The following FREM3 variants were observed in gnomAD, a reference collection of about 807,000 sequenced individuals.
The protein encoded by FREM3 is FRAS1-related extracellular matrix protein 3.
A neutral mutation model predicts 129.1 loss-of-function variants in FREM3; 105 were observed. That is an observed-to-expected ratio of 0.81 (90% CI 0.69 to 0.96). FREM3 has a LOEUF of 0.96. Among genes scored for constraint, FREM3 ranks in the 40% least tolerant of loss-of-function variants. The pLI, the probability that FREM3 is intolerant of heterozygous loss-of-function variation, is 0.00. For synonymous variants in FREM3, 1,014 were observed against 1,044.9 expected (o/e 0.97, Z 0.57); for missense variants, 2,593 against 2,666.3 (o/e 0.97, Z 0.61).
At chr4:143,639,921 A>G (rs920650299) in intron 2 of FREM3, among the ~76,000 whole-genome samples, 2 of 152,132 alleles carry the variant, frequency 1.3e-5, no homozygotes, top group African/African-American at 2.4e-5. Flanking sequence ...TAAAAAAAAA[A>G]TGTAAAAATA....
chr4:143,634,182 T>G (rs1739194734), intron 2 of FREM3, among the ~76,000 whole-genome samples: 2 of 152,124 alleles, frequency 1.3e-5, no homozygotes, highest in South Asian at 4.1e-4. Context: ...GTACAAAAAC[T>G]CATCAGATAT....
chr4:143,605,736 C>G (rs1738658131), intron 6 of FREM3, among the ~76,000 whole-genome samples: 1 of 152,152 alleles, frequency 6.6e-6, no homozygotes, highest in Non-Finnish European at 1.5e-5. Context: ...ACTATCAATT[C>G]AATTTCCTAC....
At chr4:143,678,084 T>G (rs987121635) in intron 2 of FREM3, among the ~76,000 whole-genome samples, 3 of 152,210 alleles carry the variant, frequency 2.0e-5, no homozygotes, top group Non-Finnish European at 4.4e-5. Flanking sequence ...TAAAGACACA[T>G]GCACACGTAT....
At chr4:143,693,234 T>C (rs1396977690) in intron 1 of FREM3, 32 bp from the exon 2 acceptor site, 1 of 1,170,102 alleles carries the variant, frequency 8.5e-7, no homozygotes, top group African/African-American at 1.6e-5. Context: ...CACAAAGTCA[T>C]ATTGGCACAA....
chr4:143,643,164 A>G (rs541354877), intron 2 of FREM3, among the ~76,000 whole-genome samples: 1 of 152,290 alleles, frequency 6.6e-6, no homozygotes, highest in Admixed American at 6.5e-5. Flanking sequence ...TACTGCTGGT[A>G]GGAATATAAA....
intron 3 of FREM3, among the ~76,000 whole-genome samples, chr4:143,626,480 C>CT (rs994750442): frequency 7.9e-5 from 12 of 151,992 alleles, no homozygotes; most frequent in Non-Finnish European, 1.8e-4. Context: ...AGCAGATGAA[C>CT]TTTTTTTTCT....
At chr4:143,648,054 C>T (rs952683032) in intron 2 of FREM3, among the ~76,000 whole-genome samples, 8 of 152,204 alleles carry the variant, frequency 5.3e-5, no homozygotes, top group Non-Finnish European at 1.5e-5. Flanking sequence ...GAGCCCACCT[C>T]GTGCATCAGC....
Position 143,611,395 on chromosome 4 carries a change from T to A in FREM3, c.5912A>T (p.Asp1971Val). The change falls in exon 6 of 8, where the codon GAC (aspartate) becomes GTC (valine). Residue 1971 changes from aspartate to valine, a missense_variant. Transcript: ENST00000329798. The part of the protein sequence containing the change: ...QKTCQVLIID[D>V]SLYEEEESFS... Reference sequence around the variant, plus strand: ...GGATTCCTCCTCTTCATAAAGGGAGTCATCAATGATCAGGACCTGGCAGGT... The same window carrying A: ...GGATTCCTCCTCTTCATAAAGGGAGACATCAATGATCAGGACCTGGCAGGT... The A allele has an allele frequency of 6.5e-7, 1 of 1,537,012 alleles. No individual in the cohort carries two copies. Among genetic ancestry groups the A allele is most frequent in the Middle Eastern group, 1.7e-4 (1 of 5,990 alleles).
At chr4:143,625,323 A>C (rs992822191) in intron 3 of FREM3, among the ~76,000 whole-genome samples, 1 of 152,194 alleles carries the variant, frequency 6.6e-6, no homozygotes, top group Non-Finnish European at 1.5e-5. Context: ...GAAATCAAAT[A>C]TGGTAACCTG....
At chr4:143,676,343 C>A (rs143865809) in intron 2 of FREM3, among the ~76,000 whole-genome samples, 12 of 152,070 alleles carry the variant, frequency 7.9e-5, no homozygotes, top group Non-Finnish European at 1.2e-4. Flanking sequence ...ATTCAACAAC[C>A]CTTCATGCTA....
At chr4:143,655,912 G>A (rs192860273) in intron 2 of FREM3, among the ~76,000 whole-genome samples, 47 of 152,266 alleles carry the variant, frequency 3.1e-4, no homozygotes, top group African/African-American at 1.1e-3. Flanking sequence ...AAACTCCTCA[G>A]AGGATGTGTA....
chr4:143,598,048 T>C (rs554662292), intron 6 of FREM3, among the ~76,000 whole-genome samples: 2 of 152,324 alleles, frequency 1.3e-5, no homozygotes, highest in African/African-American at 4.8e-5. Context: ...AGGGAACTAG[T>C]AGTGTTCATG....
rs147340680 is a variant in FREM3, at chr4:143,617,704, AGAG to A, written c.5779+3330_5779+3332del. On this transcript the variant is annotated intron_variant, in intron 5 of 7. Coordinates refer to ENST00000329798, the MANE Select transcript of FREM3 (RefSeq NM_001168235.2). ...TTTACATTTGGGAAGGAAAAAGTGAAGAGGAGAAAAAACAAGCTAGGTGAGGTA... is the reference window on the plus strand; with the variant it reads ...TTTACATTTGGGAAGGAAAAAGTGAAGAGAAAAAACAAGCTAGGTGAGGTA... 8.5e-3 allele frequency among the ~76,000 whole-genome samples: 1,282 copies of A among 151,416 alleles called. 15 individuals carry two copies. Among genetic ancestry groups the A allele is most frequent in the African/African-American group, 0.029 (1,196 of 40,706 alleles).
Position 143,691,905 on chromosome 4 carries a change from G to C in FREM3, c.5275+1208C>G, listed in dbSNP as rs1252022776. Among the ~76,000 whole-genome samples, 8 of 152,126 alleles carry C rather than the reference G, an allele frequency of 5.3e-5. 1 individual carries two copies. Among genetic ancestry groups the C allele is most frequent in the Admixed American group, 5.2e-4 (8 of 15,268 alleles). On this transcript the variant is annotated intron_variant, in intron 2 of 7. Transcript: ENST00000329798. ...AAATATTTGTCTTACATTTATTTAT[G>C]AACCTGTTTAAAGGTGTAAATTCAT...
chr4:143,696,450 G>A lies in FREM3; in HGVS notation c.4226C>T (p.Thr1409Ile). 6.5e-7 allele frequency: 1 copy of A among 1,537,700 alleles called. No individual in the cohort carries two copies. The highest frequency in any genetic ancestry group is 2.4e-5 in the East Asian group (1 of 40,920). Reference protein sequence around the residue: ...IKFDVTDGVNTLTDHYFYVTI... With the variant: ...IKFDVTDGVNILTDHYFYVTI... ...GACATAGAAGTAGTGGTCTGTCAAA[G>A]TGTTAACCCCATCAGTAACATCAAA... is the stretch of plus-strand genomic sequence containing the variant. Residue 1409 changes from threonine to isoleucine, a missense_variant, in exon 1 of 8, where the codon ACT becomes ATT. This residue lies in a region of FREM3 where 2,276 missense variants were observed against 2,267.2 expected (regional missense o/e 1.00). Transcript: ENST00000329798.
chr4:143,608,154 C>T (rs1250462719), intron 6 of FREM3, among the ~76,000 whole-genome samples: 2 of 152,084 alleles, frequency 1.3e-5, no homozygotes, highest in Middle Eastern at 3.2e-3. Flanking sequence ...CTGAAAAGTC[C>T]GTTTTGCCAT....
intron 2 of FREM3, among the ~76,000 whole-genome samples, chr4:143,661,179 C>T (rs1317672096): frequency 7.9e-5 from 12 of 152,136 alleles, no homozygotes; most frequent in Non-Finnish European, 1.5e-5. Context: ...AAAGGGAATG[C>T]TTCTAGTTTT....
chr4:143,639,006 A>T (rs1044781088), intron 2 of FREM3, among the ~76,000 whole-genome samples: 3 of 151,968 alleles, frequency 2.0e-5, no homozygotes, highest in African/African-American at 7.3e-5. Context: ...AGTATCTTAA[A>T]TTTTTTCTTC....
intron 2 of FREM3, among the ~76,000 whole-genome samples, chr4:143,684,162 C>T (rs989128903): frequency 6.6e-6 from 1 of 152,174 alleles, no homozygotes; most frequent in African/African-American, 2.4e-5. Flanking sequence ...ACAGCTGATG[C>T]TCTCTGGAAA....
Sources: allele counts gnomAD v4.1 joint callset (sites outside exome capture counted in the v4.1 genomes callset), GRCh38; gene constraint gnomAD v4.1.1; regional missense constraint gnomAD v4.1.1; transcripts MANE v1.5; gene names NCBI Gene and HGNC (gene_info 2026-07-23, HGNC 2026-07-21).